NSMCE2: variants seen among roughly 807,000 people sequenced by gnomAD.
NSMCE2 encodes the protein NSE2 SUMO ligase component of SMC5/6 complex, also known as E3 SUMO-protein ligase NSE2.
Under a neutral mutation model 23.8 loss-of-function variants are expected in NSMCE2, and 24 were observed. The observed-to-expected ratio is 1.01, with a 90% confidence interval of 0.73 to 1.42. The LOEUF (loss-of-function observed/expected upper bound fraction) is 1.42, where lower values mean the gene tolerates loss of function less well. Among genes scored for constraint, NSMCE2 ranks in the 40% most tolerant of loss-of-function variants. NSMCE2 has a pLI of 0.00. For missense variants in NSMCE2, 284 were observed against 296.5 expected (o/e 0.96, Z 0.31); for synonymous variants, 92 against 94.1 (o/e 0.98, Z 0.13).
intron 5 of NSMCE2, among the ~76,000 whole-genome samples, chr8:125,344,658 G>T (rs948495829): frequency 6.6e-6 from 1 of 150,762 alleles, no homozygotes; most frequent in African/African-American, 2.4e-5. Context: ...CAGGAGAGTC[G>T]CTTGAACCCA....
intron 5 of NSMCE2, among the ~76,000 whole-genome samples, chr8:125,227,583 C>T (rs535349792): frequency 6.6e-6 from 1 of 152,316 alleles, no homozygotes; most frequent in African/African-American, 2.4e-5. Flanking sequence ...AAATGTATTG[C>T]AATTCATATT....
chr8:125,179,026 A>C (rs1822646727), intron 4 of NSMCE2, among the ~76,000 whole-genome samples: 1 of 152,152 alleles, frequency 6.6e-6, no homozygotes, highest in Non-Finnish European at 1.5e-5. Context: ...ACTTGCCCTG[A>C]TCTTGGACTT....
At chr8:125,363,137 T>C (rs959115337) in intron 7 of NSMCE2, 3 of 152,230 alleles carry the variant, frequency 2.0e-5, no homozygotes, top group Admixed American at 6.5e-5. Flanking sequence ...GCCAAAGTTA[T>C]GATACTTGGC....
intron 5 of NSMCE2, among the ~76,000 whole-genome samples, chr8:125,261,745 TAAAA>T (rs71295825): frequency 7.5e-6 from 1 of 133,718 alleles, no homozygotes; most frequent in African/African-American, 2.8e-5. Flanking sequence ...TGTAAAGAAG[TAAAA>T]AAAAAAAAAC....
At chr8:125,167,499 T>C (rs1821951008) in intron 4 of NSMCE2, among the ~76,000 whole-genome samples, 1 of 152,012 alleles carries the variant, frequency 6.6e-6, no homozygotes, top group African/African-American at 2.4e-5. Context: ...ACCCCATCTC[T>C]ACTAAAAATA....
chr8:125,342,058 G>T (rs1057484294), intron 5 of NSMCE2, among the ~76,000 whole-genome samples: 2 of 152,206 alleles, frequency 1.3e-5, no homozygotes, highest in Non-Finnish European at 2.9e-5. Context: ...GGACCCCTGA[G>T]TGAGAAGTTT....
At chr8:125,310,642 C>T (rs998344442) in intron 5 of NSMCE2, among the ~76,000 whole-genome samples, 2 of 152,032 alleles carry the variant, frequency 1.3e-5, no homozygotes, top group Non-Finnish European at 2.9e-5. Flanking sequence ...TCCATTCTTC[C>T]GTAATGTTTT....
At chr8:125,168,693 C>T (rs1197856094) in intron 4 of NSMCE2, among the ~76,000 whole-genome samples, 1 of 152,200 alleles carries the variant, frequency 6.6e-6, no homozygotes, top group Non-Finnish European at 1.5e-5. Flanking sequence ...TTCCCAGAGG[C>T]CTCACCTCCT....
chr8:125,304,947 G>A (rs1828698676), intron 5 of NSMCE2, among the ~76,000 whole-genome samples: 1 of 24,518 alleles, frequency 4.1e-5, no homozygotes, highest in Admixed American at 4.7e-4. Flanking sequence ...AAGGAAGGAA[G>A]GAAGGAAGGA....
intron 4 of NSMCE2, among the ~76,000 whole-genome samples, chr8:125,153,123 T>A (rs1273706149): frequency 6.6e-6 from 1 of 151,102 alleles, no homozygotes; most frequent in African/African-American, 2.4e-5. Flanking sequence ...GTCACTCATT[T>A]AAAAAAAAGT....
chr8:125,262,523 A>G (rs1198989477), intron 5 of NSMCE2, among the ~76,000 whole-genome samples: 1 of 152,214 alleles, frequency 6.6e-6, no homozygotes, highest in African/African-American at 2.4e-5. Context: ...ATTAGTATTC[A>G]TCCATTTATT....
chr8:125,326,648 G>A (rs1451647100), intron 5 of NSMCE2, among the ~76,000 whole-genome samples: 1 of 152,080 alleles, frequency 6.6e-6, no homozygotes, highest in African/African-American at 2.4e-5. Context: ...TTAAAAAAAA[G>A]ATTGGTTAAA....
chr8:125,243,208 A>T (rs1399217076), intron 5 of NSMCE2, among the ~76,000 whole-genome samples: 2 of 152,216 alleles, frequency 1.3e-5, no homozygotes, highest in Non-Finnish European at 2.9e-5. Flanking sequence ...ATAATAGTGG[A>T]CGTATATATA....
intron 5 of NSMCE2, chr8:125,348,653 G>C (rs1329031207): frequency 6.6e-6 from 1 of 152,050 alleles, no homozygotes; most frequent in Non-Finnish European, 1.5e-5. Flanking sequence ...GAGATCTGAT[G>C]GTTTTATAAG....
chr8:125,169,125 T>G (rs999093113), intron 4 of NSMCE2, among the ~76,000 whole-genome samples: 2 of 152,232 alleles, frequency 1.3e-5, no homozygotes, highest in Non-Finnish European at 2.9e-5. Context: ...CTGACTTTCA[T>G]GACAACACAT....
chr8:125,163,904 C>G (rs182941672), intron 4 of NSMCE2, among the ~76,000 whole-genome samples: 122 of 152,302 alleles, frequency 8.0e-4, no homozygotes, highest in Admixed American at 1.3e-3. Context: ...ATAAATAGTT[C>G]ATTGTGATCC....
intron 3 of NSMCE2, among the ~76,000 whole-genome samples, chr8:125,137,932 A>G (rs942554077): frequency 1.3e-5 from 2 of 152,238 alleles, no homozygotes; most frequent in Non-Finnish European, 2.9e-5. Flanking sequence ...GGCACATAGT[A>G]TGTGCTCAAT....
At chr8:125,122,697 G>A (rs914340566) in intron 3 of NSMCE2, among the ~76,000 whole-genome samples, 1 of 152,062 alleles carries the variant, frequency 6.6e-6, no homozygotes, top group Admixed American at 6.6e-5. Flanking sequence ...TTTGTTTGTT[G>A]TACATTCGTC....
At chr8:125,196,861 C>T (rs1823649714) in intron 5 of NSMCE2, among the ~76,000 whole-genome samples, 2 of 152,150 alleles carry the variant, frequency 1.3e-5, no homozygotes, top group African/African-American at 4.8e-5. Context: ...TCTCCAGCAC[C>T]TGTTGATTCC....
Sources: gnomAD v4.1 joint callset for allele counts (sites outside exome capture counted in the v4.1 genomes callset) on GRCh38, gnomAD v4.1.1 for gene constraint, MANE v1.5 for transcripts, NCBI Gene and HGNC (gene_info 2026-07-23, HGNC 2026-07-21) for gene names.